The following MDN1 variants were observed in gnomAD, a reference collection of about 807,000 sequenced individuals.
MDN1 encodes midasin.
MDN1 carries 266 observed loss-of-function variants against 669.2 expected under a neutral mutation model. The observed-to-expected ratio is 0.40, with a 90% CI of 0.36 to 0.44. MDN1 has a LOEUF of 0.44. MDN1 is among the 20% of genes least tolerant of loss of function. The pLI, the probability that MDN1 is intolerant of heterozygous loss-of-function variation, is 1.00. For missense variants in MDN1, 5,940 were observed against 6,754.0 expected (o/e 0.88, Z 4.22); for synonymous variants, 2,385 against 2,457.1 (o/e 0.97, Z 0.87).
intron 66 of MDN1, among the ~76,000 whole-genome samples, 154 bp downstream of exon 66, chr6:89,688,419 C>CAGTTAGTA: frequency 6.6e-6 from 1 of 152,218 alleles, no homozygotes; most frequent in African/African-American, 2.4e-5. Context: ...GTTCATCCTG[C>CAGTTAGTA]AGTTAGTAAG....
At chr6:89,783,198 G>A (rs1818772043) in intron 9 of MDN1, among the ~76,000 whole-genome samples, 2 of 152,126 alleles carry the variant, frequency 1.3e-5, no homozygotes, top group South Asian at 4.2e-4. Flanking sequence ...CAACAGATGT[G>A]CAAGTAGGGA....
chr6:89,686,989 G>T lies in MDN1; in HGVS notation c.11485C>A (p.Arg3829Ser). 1 of 1,609,034 alleles carries T rather than the reference G, an allele frequency of 6.2e-7. No homozygotes were observed. Among genetic ancestry groups the T allele is most frequent in the Admixed American group, 1.7e-5 (1 of 59,612 alleles). ...WSMSLDNTMKRHTEKSTKHWF... is the reference protein window; with the variant it reads ...WSMSLDNTMKSHTEKSTKHWF... ...TGCTTGGTGGATTTCTCGGTGTGGC[G>T]CTTCATAGTATTATCCAAACTCATG... Residue 3829 changes from arginine (R) to serine (S), a missense_variant, in exon 69 of 102, where the codon CGC becomes AGC. Physicochemically the swap from Arg to Ser is moderately radical, Grantham distance 110. This residue lies in a region of MDN1 where 2,280 missense variants were observed against 2,576.3 expected (regional missense o/e 0.88). Transcript: ENST00000369393.
chr6:89,655,628 G>C, intron 92 of MDN1, 136 bp downstream of exon 92: 1 of 803,770 alleles, frequency 1.2e-6, no homozygotes, highest in Non-Finnish European at 1.9e-6. Context: ...GACTTGACTT[G>C]ATCATTAAAC....
rs551561920 is a variant in MDN1, at chr6:89,749,658, A to T, written c.3500T>A (p.Leu1167Gln). 2.4e-5 allele frequency: 39 copies of T among 1,614,156 alleles called. No individual in the cohort carries two copies. Among genetic ancestry groups the T allele is most frequent in the Non-Finnish European group, 3.2e-5 (38 of 1,180,000 alleles). Residue 1167 changes from leucine to glutamine, a missense_variant, in exon 25 of 102, where the codon CTG (leucine) becomes CAG (glutamine). Coordinates refer to ENST00000369393, the MANE Select transcript of MDN1 (RefSeq NM_014611.3). ...PTDVLEALNR[L>Q]LDDNRELLVT... ...TAGCAATTCACGGTTATCATCCAAC[A>T]GCCTATTCAGCGCCTCTAACACATC...
intron 1 of MDN1, among the ~76,000 whole-genome samples, chr6:89,809,330 G>A (rs1012507137): frequency 6.6e-6 from 1 of 150,376 alleles, no homozygotes; most frequent in African/African-American, 2.4e-5. Context: ...GATTTATAGA[G>A]AAAAGACTAT....
At chr6:89,644,696 A>G (rs989804771) in intron 101 of MDN1, among the ~76,000 whole-genome samples, 3 of 152,216 alleles carry the variant, frequency 2.0e-5, no homozygotes, top group Non-Finnish European at 4.4e-5. Flanking sequence ...CAATACCTGC[A>G]CTGACTTTGC....
Position 89,745,284 on chromosome 6 carries a change from A to C in MDN1, c.4167T>G (p.Val1389=). The change falls in exon 29 of 102, where the codon GTT becomes GTG. Residue 1389 remains valine, a synonymous_variant. Transcript: ENST00000369393. The part of the protein sequence containing the change: ...ALEFGEPVLL[V]GDTGCGKTTI... ...TCACAGATCTTTACCCAGTGTCTCCAACCAGCAGCACAGGTTCACCAAATT... is the reference window on the plus strand; with the variant it reads ...TCACAGATCTTTACCCAGTGTCTCCCACCAGCAGCACAGGTTCACCAAATT... 6.2e-7 allele frequency: 1 copy of C among 1,613,934 alleles called. No individual in the cohort carries two copies. Among genetic ancestry groups the C allele is most frequent in the Non-Finnish European group, 8.5e-7 (1 of 1,179,848 alleles).
intron 26 of MDN1, among the ~76,000 whole-genome samples, chr6:89,747,709 G>A (rs2128318281): frequency 6.6e-6 from 1 of 150,826 alleles, no homozygotes; most frequent in South Asian, 2.1e-4. Flanking sequence ...GGCTAACATG[G>A]TGAAACCCCG....
chr6:89,654,442 TGCAAGTTGTGCCACTGACCA>T, intron 92 of MDN1, 108 bp from the exon 93 acceptor site: 1 of 1,406,120 alleles, frequency 7.1e-7, no homozygotes, highest in East Asian at 2.3e-5. Context: ...ATGCTAGTGA[TGCAAGTTGTGCCACTGACCA>T]GCTATGTGGC....
At chr6:89,750,076 ACC>A (rs1410533714) in intron 24 of MDN1, among the ~76,000 whole-genome samples, 3 of 152,048 alleles carry the variant, frequency 2.0e-5, no homozygotes, top group Admixed American at 2.0e-4. Context: ...GCTAACACTA[ACC>A]CCATTCTCTG....
intron 2 of MDN1, 46 bp from the exon 3 acceptor site, chr6:89,794,847 G>A: frequency 6.5e-7 from 1 of 1,531,100 alleles, no homozygotes; most frequent in Non-Finnish European, 9.0e-7. Context: ...ACAATGGTTG[G>A]ACTTAATTTT....
At position 89,695,845 on chromosome 6, in the gene MDN1, G is replaced by A. The variant is rs1263106836; in HGVS notation, c.9531C>T (p.Gly3177=). Residue 3177 remains glycine (G), a synonymous_variant, in exon 61 of 102, where the codon GGC becomes GGT. Coordinates refer to ENST00000369393, the MANE Select transcript of MDN1 (RefSeq NM_014611.3). The surrounding 1 kb of genome is among the most constrained non-coding windows in gnomAD (Gnocchi z 4.1). ...GACCAGCCATGTCCCCAAGTGTCTGGCCCACATGCTGGAAGGCCTGGCTGC... is the reference window on the plus strand; with the variant it reads ...GACCAGCCATGTCCCCAAGTGTCTGACCCACATGCTGGAAGGCCTGGCTGC... ...LGSSQAFQHV[G]QTLGDMAGQE... The A allele has an allele frequency of 3.1e-6, 5 of 1,613,672 alleles. No individual in the cohort carries two copies. Among genetic ancestry groups the A allele is most frequent in the Non-Finnish European group, 4.2e-6 (5 of 1,180,034 alleles).
intron 89 of MDN1, 84 bp downstream of exon 89, chr6:89,658,526 C>G (rs1463879752): frequency 1.3e-6 from 2 of 1,537,370 alleles, no homozygotes; most frequent in Non-Finnish European, 1.8e-6. Flanking sequence ...GGAGGAGTAT[C>G]CTAAAAGGGA....
intron 82 of MDN1, among the ~76,000 whole-genome samples, chr6:89,671,996 T>A (rs1810814720): frequency 6.6e-6 from 1 of 152,254 alleles, no homozygotes; most frequent in African/African-American, 2.4e-5. Flanking sequence ...TCTGCACCTA[T>A]GCATCTAACA....
At chr6:89,653,458 A>C (rs574066096) in intron 93 of MDN1, among the ~76,000 whole-genome samples, 26 of 152,360 alleles carry the variant, frequency 1.7e-4, no homozygotes, top group Admixed American at 9.8e-4. Context: ...AACTATATGC[A>C]TGTAAAACTT....
At position 89,754,191 on chromosome 6, in the gene MDN1, C is replaced by T. The variant is rs1440934332; in HGVS notation, c.2856G>A (p.Leu952=). Reference sequence around the variant, plus strand: ...GAGGTCTATGGCCAGTGCCATCCACCAGTTTGGTCCCAGACTCTTTCCGCA... The same window carrying T: ...GAGGTCTATGGCCAGTGCCATCCACTAGTTTGGTCCCAGACTCTTTCCGCA... ...TALRKESGTK[L]VDGTGHRPHY... is the part of the protein sequence containing the mutation. The change falls in exon 21 of 102, where the codon CTG becomes CTA. Residue 952 remains leucine, a synonymous_variant. Coordinates refer to ENST00000369393, the MANE Select transcript of MDN1 (RefSeq NM_014611.3). 1 of 1,614,084 alleles carries T rather than the reference C, an allele frequency of 6.2e-7. No homozygotes were observed. The highest frequency in any genetic ancestry group is 8.5e-7 in the Non-Finnish European group (1 of 1,179,958).
At chr6:89,792,949 G>T (rs572280419) in intron 5 of MDN1, among the ~76,000 whole-genome samples, 2 of 152,128 alleles carry the variant, frequency 1.3e-5, no homozygotes, top group South Asian at 2.1e-4. Context: ...AACCTGGGAG[G>T]GGGGAGGTTG....
rs752618517 is a variant in MDN1 at position 89,772,730 on chromosome 6, G to A, written c.1935-9C>T. 6 of 1,608,502 alleles carry A rather than the reference G, an allele frequency of 3.7e-6. No individual in the cohort carries two copies. The South Asian group carries it at 5.5e-5, about 15-fold the overall frequency. ...CGAAAGTGAACTTCTCCCTGGGAAG[G>A]AGAAAAAAAGAGTTTAAAAACCACG... On this transcript the variant is annotated splice_polypyrimidine_tract_variant and intron_variant, in intron 13 of 101. Coordinates refer to ENST00000369393, the MANE Select transcript of MDN1 (RefSeq NM_014611.3).
At chr6:89,689,251 T>C (rs1419912647) in intron 65 of MDN1, among the ~76,000 whole-genome samples, 16 of 152,200 alleles carry the variant, frequency 1.1e-4, no homozygotes, top group Admixed American at 1.0e-3. Flanking sequence ...AATACTATAG[T>C]AGCTACCTAA....
Sources: allele counts gnomAD v4.1 joint callset (sites outside exome capture counted in the v4.1 genomes callset), GRCh38; gene constraint gnomAD v4.1.1; regional missense constraint gnomAD v4.1.1; non-coding constraint Gnocchi (gnomAD v3.1); transcripts MANE v1.5; gene names NCBI Gene and HGNC (gene_info 2026-07-23, HGNC 2026-07-21).